Variants in MTCL1 observed in about 807,000 individuals in gnomAD.
MTCL1 encodes microtubule cross-linking factor 1.
Under a neutral mutation model 141.4 loss-of-function variants are expected in MTCL1, and 79 were observed. The observed-to-expected ratio is 0.56, with a 90% CI of 0.47 to 0.67. The LOEUF is 0.67. MTCL1 is among the 30% of genes least tolerant of loss of function. The pLI is 0.00. For synonymous variants in MTCL1, 914 were observed against 875.8 expected, an observed-to-expected ratio of 1.04 and a Z score of -0.77; for missense variants, 2,177 against 2,113.9, an observed-to-expected ratio of 1.03 and a Z score of -0.59.
intron 14 of MTCL1, among the ~76,000 whole-genome samples, chr18:8,824,271 A>G (rs1045715730): frequency 6.6e-6 from 1 of 152,216 alleles, no homozygotes; most frequent in Admixed American, 6.5e-5. Context: ...GGAAGAATCC[A>G]CACCAAATCT....
intron 4 of MTCL1, among the ~76,000 whole-genome samples, chr18:8,756,541 G>A (rs971400664): frequency 0.015 from 2,027 of 139,692 alleles, 64 homozygotes; most frequent in African/African-American, 0.064. Flanking sequence ...GTGTATATAT[G>A]TGTATATATA....
intron 5 of MTCL1, chr18:8,782,379 G>A (rs1206935541): frequency 1.3e-5 from 2 of 152,188 alleles, no homozygotes; most frequent in Admixed American, 6.5e-5. Flanking sequence ...GGAGTGATTC[G>A]TGAAATCGGT....
rs118112095 is a variant in MTCL1, at chr18:8,750,675, C to T, written c.358-27158C>T. Among the ~76,000 whole-genome samples, 80 of 152,334 alleles carry T rather than the reference C, an allele frequency of 5.3e-4. 1 individual carries two copies. The highest frequency in any genetic ancestry group is 3.3e-3 in the Admixed American group (51 of 15,302). ...ATATCCAGAGGACACTGCCCTGCAACGGTCTTGAGAACATTTTTCTAGGCA... is the reference window on the plus strand; with the variant it reads ...ATATCCAGAGGACACTGCCCTGCAATGGTCTTGAGAACATTTTTCTAGGCA... On this transcript the variant is annotated intron_variant, in intron 4 of 16. Coordinates refer to ENST00000359865, the Ensembl canonical transcript of MTCL1.
intron 11 of MTCL1, chr18:8,809,532 T>C (rs2144168743): frequency 6.5e-7 from 1 of 1,536,160 alleles, no homozygotes; most frequent in Non-Finnish European, 8.7e-7. Context: ...GGTAAAAACG[T>C]TGAAGAGCCT....
rs114373872 is a variant in MTCL1 at position 8,824,701 on chromosome 18, C to T, written c.3191C>T (p.Ala1064Val). ...ACCCTCTTTTCTGCTTTTCCCAGGG[C>T]GGTGTCCGTGTCCTCCATGTCTGAG... The change falls in exon 15 of 17, where the codon GCG becomes GTG. Residue 1064 changes from alanine (A) to valine (V), a missense_variant and splice_region_variant. By Grantham distance (64) the Ala-to-Val change is moderately conservative. Coordinates refer to ENST00000359865, the Ensembl canonical transcript of MTCL1. The T allele has an allele frequency of 2.2e-5, 35 of 1,607,412 alleles. No homozygotes were observed. Among genetic ancestry groups the T allele is most frequent in the South Asian group, 1.8e-4 (16 of 89,606 alleles).
chr18:8,811,582 G>A (rs1488447968), intron 11 of MTCL1, among the ~76,000 whole-genome samples: 3 of 151,978 alleles, frequency 2.0e-5, no homozygotes, highest in Admixed American at 6.6e-5. Flanking sequence ...TTTCAGACAT[G>A]GATAATCAGC....
At chr18:8,725,558 T>C (rs1478643095) in intron 4 of MTCL1, among the ~76,000 whole-genome samples, 1 of 152,166 alleles carries the variant, frequency 6.6e-6, no homozygotes, top group African/African-American at 2.4e-5. Flanking sequence ...CACTCTGTTA[T>C]TTTCCATTCA....
At chr18:8,714,919 C>T (rs974553056), upstream of MTCL1, among the ~76,000 whole-genome samples, 1 of 152,132 alleles carries the variant, frequency 6.6e-6, no homozygotes, top group Non-Finnish European at 1.5e-5. Flanking sequence ...GCCTCAGCCT[C>T]CCGAGTAGCT....
intron 4 of MTCL1, among the ~76,000 whole-genome samples, chr18:8,757,032 G>A (rs2096405471): frequency 6.6e-6 from 1 of 152,176 alleles, no homozygotes; most frequent in Admixed American, 6.5e-5. Flanking sequence ...ACAAGGTAGG[G>A]TCCCCAAAGA....
chr18:8,740,898 C>T (rs1022059291), intron 4 of MTCL1, among the ~76,000 whole-genome samples: 2 of 152,204 alleles, frequency 1.3e-5, no homozygotes, highest in African/African-American at 2.4e-5. Context: ...CAAGGCAGCA[C>T]CTGGGATGTC....
exon 11 of MTCL1, chr18:8,806,971 C>T (rs758468421): frequency 8.1e-6 from 13 of 1,613,742 alleles, no homozygotes; most frequent in South Asian, 1.1e-5. Context: ...GGAGGATGAG[C>T]GTGCCCGACT....
At chr18:8,719,856 C>T (rs1055282782) in intron 3 of MTCL1, among the ~76,000 whole-genome samples, 1 of 152,134 alleles carries the variant, frequency 6.6e-6, no homozygotes, top group Non-Finnish European at 1.5e-5. Flanking sequence ...AGGCAACTTA[C>T]TTGTTTTGTT....
chr18:8,789,386 A>T (rs1368682612), intron 7 of MTCL1: 3 of 983,534 alleles, frequency 3.1e-6, no homozygotes, highest in East Asian at 2.3e-4. Context: ...GTCCTAATAG[A>T]GGAGTAGCAT....
chr18:8,707,280 G>A (rs2096063444), intron 1 of MTCL1: 1 of 152,786 alleles, frequency 6.5e-6, no homozygotes, highest in Non-Finnish European at 1.5e-5. Context: ...GCAAGCTGAA[G>A]CTCAGTAGAG....
At chr18:8,764,426 T>C (rs2096449152) in intron 4 of MTCL1, among the ~76,000 whole-genome samples, 1 of 152,058 alleles carries the variant, frequency 6.6e-6, no homozygotes, top group African/African-American at 2.4e-5. Flanking sequence ...CAAGTGATTC[T>C]CCTGCCTCAG....
exon 1 of MTCL1, chr18:8,706,341 C>T (rs1365562748): frequency 2.4e-6 from 3 of 1,230,700 alleles, no homozygotes; most frequent in Non-Finnish European, 3.0e-6. Flanking sequence ...AGCGCCTGCT[C>T]CCTGCCGCCA....
chr18:8,826,544 G>T (rs2077033773), intron 15 of MTCL1, among the ~76,000 whole-genome samples: 2 of 152,182 alleles, frequency 1.3e-5, no homozygotes, highest in Non-Finnish European at 1.5e-5. Context: ...GGGTCAGTTT[G>T]CCTTCTTTCT....
In MTCL1 at chr18:8,767,183, T is replaced by C. The variant is rs563241164; in HGVS notation, c.358-10650T>C. 1.2e-4 allele frequency among the ~76,000 whole-genome samples: 18 copies of C among 152,356 alleles called. No individual in the cohort carries two copies. In the South Asian group the frequency reaches 3.7e-3, roughly 32 times the overall value. On this transcript the variant is annotated intron_variant, in intron 4 of 16. Coordinates refer to ENST00000359865, the Ensembl canonical transcript of MTCL1. ...CCTCCTCTTGAATCACTTAAAGTAT[T>C]GTGCCCTGGGGCTTAGAGCTAGGGA... is the stretch of plus-strand genomic sequence containing the variant.
chr18:8,789,289 A>T, intron 7 of MTCL1: 2 of 381,582 alleles, frequency 5.2e-6, no homozygotes, highest in Non-Finnish European at 7.2e-6. Flanking sequence ...GGCCTCATGT[A>T]CTGCTTTTGA....
Sources: gnomAD v4.1 joint callset for allele counts (sites outside exome capture counted in the v4.1 genomes callset) on GRCh38, gnomAD v4.1.1 for gene constraint, MANE v1.5 for transcripts, NCBI Gene and HGNC (gene_info 2026-07-23, HGNC 2026-07-21) for gene names.